The following SAMM50 variants were observed in gnomAD, a reference collection of about 807,000 sequenced individuals.
SAMM50 encodes the protein SAMM50 sorting and assembly machinery component.
In SAMM50, 47 loss-of-function variants were observed where a neutral mutation model predicts 66.9. The observed-to-expected ratio is 0.70, with a 90% CI of 0.56 to 0.90. SAMM50 has a LOEUF of 0.90. SAMM50 is among the 40% of genes least tolerant of loss of function. SAMM50 has a pLI of 0.00. For synonymous variants in SAMM50, 191 were observed against 214.1 expected (o/e 0.89, Z 0.94); for missense variants, 535 against 595.3 (o/e 0.90, Z 1.05).
intron 5 of SAMM50, 69 bp from the exon 6 acceptor site, chr22:43,972,801 TC>T: frequency 7.1e-7 from 1 of 1,413,180 alleles, no homozygotes; most frequent in Non-Finnish European, 9.7e-7. Flanking sequence ...GCTAGCATAG[TC>T]TTTATCCAAT....
chr22:43,972,792 C>G, intron 5 of SAMM50, 79 bp from the exon 6 acceptor site: 2 of 1,312,352 alleles, frequency 1.5e-6, no homozygotes, highest in Non-Finnish European at 2.1e-6. Context: ...AGTCCCTTAG[C>G]TAGCATAGTC....
At chr22:43,966,102 A>G (rs1162455941) in intron 3 of SAMM50, among the ~76,000 whole-genome samples, 1 of 152,178 alleles carries the variant, frequency 6.6e-6, no homozygotes, top group Non-Finnish European at 1.5e-5. Context: ...GGCCTTCCAA[A>G]GTGCTGGGAT....
chr22:43,977,715 C>T (rs935296962), intron 9 of SAMM50, among the ~76,000 whole-genome samples, 157 bp from the exon 10 acceptor site: 4 of 152,076 alleles, frequency 2.6e-5, no homozygotes, highest in Non-Finnish European at 5.9e-5. Flanking sequence ...TGTTGCTGTC[C>T]GCAACAATTA....
rs145929852 is a variant in SAMM50 at position 43,973,855 on chromosome 22, T to G, written c.648+532T>G. On this transcript the variant is annotated intron_variant, in intron 7 of 14. Coordinates refer to ENST00000350028, the MANE Select transcript of SAMM50 (RefSeq NM_015380.5). ...CTCGAACTCCCGACCTCAAGTGATC[T>G]GCCCGTCTCAGCCTCCCAAAGTGCT... Among the ~76,000 whole-genome samples the G allele has an allele frequency of 1.8e-3, 267 of 152,206 alleles. 1 individual carries two copies. The highest frequency in any genetic ancestry group is 6.0e-3 in the African/African-American group (250 of 41,536).
rs2050188593 is a variant in SAMM50, at chr22:43,968,818, G to A, written c.322G>A (p.Gly108Ser). Residue 108 changes from glycine to serine, a missense_variant and splice_region_variant, in exon 4 of 15, where the codon GGT (glycine) becomes AGT (serine). Transcript: ENST00000350028. ...QVDVLIDTCQ[G>S]DDALPNGLDV... ...GGATGTTTTGATTGACACATGTCAAGGTACATATTGTGGTGTAGTATCTTT... is the reference window on the plus strand; with the variant it reads ...GGATGTTTTGATTGACACATGTCAAAGTACATATTGTGGTGTAGTATCTTT... 1 of 1,601,956 alleles carries A rather than the reference G, an allele frequency of 6.2e-7. No individual in the cohort carries two copies. The highest frequency in any genetic ancestry group is 8.6e-7 in the Non-Finnish European group (1 of 1,169,072).
chr22:43,980,768 C>A (rs1028233210), intron 10 of SAMM50, among the ~76,000 whole-genome samples: 1 of 152,200 alleles, frequency 6.6e-6, no homozygotes, highest in African/African-American at 2.4e-5. Flanking sequence ...GCTCGGCCAG[C>A]CGCCCGAAAA....
At chr22:43,963,113 A>G in intron 1 of SAMM50, 173 bp from the exon 2 acceptor site, 1 of 451,994 alleles carries the variant, frequency 2.2e-6, no homozygotes, top group Non-Finnish European at 4.0e-6. Context: ...CTTGCTCATT[A>G]GCAATAGCTG....
At chr22:43,989,850 T>C (rs911289980) in intron 13 of SAMM50, among the ~76,000 whole-genome samples, 4 of 152,144 alleles carry the variant, frequency 2.6e-5, no homozygotes, top group African/African-American at 4.8e-5. Flanking sequence ...CTGAGTAGGA[T>C]TGGGTGCCTT....
intron 1 of SAMM50, among the ~76,000 whole-genome samples, chr22:43,956,207 C>T (rs1603418295): frequency 6.6e-6 from 1 of 152,178 alleles, no homozygotes; most frequent in African/African-American, 2.4e-5. Context: ...TTGCCAAACT[C>T]CTCTCGTTTA....
At chr22:43,964,362 C>G (rs546737799) in intron 2 of SAMM50, 90 bp from the exon 3 acceptor site, 2 of 639,024 alleles carry the variant, frequency 3.1e-6, no homozygotes, top group Admixed American at 4.9e-5. Context: ...AAAACCTTGA[C>G]ATTAATTAAA....
At chr22:43,962,518 G>A (rs1223018910) in intron 1 of SAMM50, among the ~76,000 whole-genome samples, 3 of 152,168 alleles carry the variant, frequency 2.0e-5, no homozygotes, top group African/African-American at 7.2e-5. Context: ...TATCAATTCA[G>A]ATTATAGAAA....
intron 4 of SAMM50, among the ~76,000 whole-genome samples, chr22:43,969,638 T>A (rs1402041156): frequency 6.6e-6 from 1 of 152,218 alleles, no homozygotes; most frequent in Non-Finnish European, 1.5e-5. Context: ...GAAGGGGCGA[T>A]GTCTGAGCTG....
chr22:43,991,355 G>C (rs1042433130), intron 14 of SAMM50, among the ~76,000 whole-genome samples: 15 of 146,524 alleles, frequency 1.0e-4, no homozygotes, highest in African/African-American at 3.3e-4. Context: ...ATGGCTCACT[G>C]CAGCCTTGAC....
chr22:43,983,274 A>AT lies in SAMM50; in HGVS notation c.1008-653dup, dbSNP rs1210304460. Reference sequence around the variant, plus strand: ...AGAATTTCTCTTGTCATTTAAATTCATTTTTTAGTAATTATCATAATCTAA... The same window carrying AT: ...AGAATTTCTCTTGTCATTTAAATTCATTTTTTTAGTAATTATCATAATCTAA... On this transcript the variant is annotated intron_variant, in intron 11 of 14. Coordinates refer to ENST00000350028, the MANE Select transcript of SAMM50 (RefSeq NM_015380.5). This position sits in a 1 kb window ranked among gnomAD's most constrained non-coding sequence, Gnocchi z 4.2. 2.6e-5 allele frequency among the ~76,000 whole-genome samples: 4 copies of AT among 152,172 alleles called. No individual in the cohort carries two copies. Among genetic ancestry groups the AT allele is most frequent in the Non-Finnish European group, 5.9e-5 (4 of 68,028 alleles).
At chr22:43,977,699 G>A (rs2073088) in intron 9 of SAMM50, among the ~76,000 whole-genome samples, 173 bp from the exon 10 acceptor site, 27,762 of 152,152 alleles carry the variant, frequency 0.18, 2,913 homozygotes, top group East Asian at 0.34. Flanking sequence ...ATCCCAGTCC[G>A]TCCACTGTTG....
intron 7 of SAMM50, among the ~76,000 whole-genome samples, chr22:43,973,857 C>T (rs559459923): frequency 3.7e-4 from 56 of 152,258 alleles, no homozygotes; most frequent in Admixed American, 2.2e-3. Flanking sequence ...AAGTGATCTG[C>T]CCGTCTCAGC....
chr22:43,972,156 C>T (rs1336149357), intron 4 of SAMM50, 80 bp from the exon 5 acceptor site: 3 of 749,590 alleles, frequency 4.0e-6, no homozygotes, highest in Non-Finnish European at 6.4e-6. Flanking sequence ...CTTCAGATTG[C>T]TTTTTGTCTT....
At chr22:43,984,271 C>T (rs1457826910) in intron 12 of SAMM50, among the ~76,000 whole-genome samples, 1 of 150,222 alleles carries the variant, frequency 6.7e-6, no homozygotes, top group East Asian at 2.0e-4. Context: ...GTTGTCTGTT[C>T]CCTGCAGGTT....
At chr22:43,990,787 C>A (rs1474711736) in intron 14 of SAMM50, among the ~76,000 whole-genome samples, 1 of 152,094 alleles carries the variant, frequency 6.6e-6, no homozygotes, top group Non-Finnish European at 1.5e-5. Context: ...GTGAGTGAAG[C>A]TTTGTTCCTG....
Sources: gnomAD v4.1 joint callset for allele counts (sites outside exome capture counted in the v4.1 genomes callset) on GRCh38, gnomAD v4.1.1 for gene constraint, Gnocchi (gnomAD v3.1) non-coding constraint, MANE v1.5 for transcripts, NCBI Gene and HGNC (gene_info 2026-07-23, HGNC 2026-07-21) for gene names.